The following AUTS2 variants were observed in gnomAD, a reference collection of about 807,000 sequenced individuals.
The protein encoded by AUTS2 is activator of transcription and developmental regulator AUTS2.
A neutral mutation model predicts 112.4 loss-of-function variants in AUTS2; 17 were observed. The ratio of observed to expected loss-of-function variants is 0.15; its 90% CI spans 0.10 to 0.23. AUTS2 has a LOEUF of 0.23. Among genes scored for constraint, AUTS2 ranks in the 10% least tolerant of loss-of-function variants. The pLI, the probability that AUTS2 is intolerant of heterozygous loss-of-function variation, is 1.00. For missense variants in AUTS2, 1,510 were observed against 1,701.6 expected (o/e 0.89, Z 1.98); for synonymous variants, 751 against 702.7 (o/e 1.07, Z -1.09).
At chr7:69,873,713 C>T (rs1472117017) in intron 1 of AUTS2, among the ~76,000 whole-genome samples, 4 of 152,122 alleles carry the variant, frequency 2.6e-5, no homozygotes, top group Non-Finnish European at 5.9e-5. Context: ...ATTATCTATC[C>T]TAAGGGAATG....
intron 2 of AUTS2, among the ~76,000 whole-genome samples, chr7:69,938,278 G>T (rs962215519): frequency 1.3e-5 from 2 of 152,022 alleles, no homozygotes; most frequent in Admixed American, 6.5e-5. Context: ...GCAGCTTCCC[G>T]TAGGCCTCTT....
intron 5 of AUTS2, among the ~76,000 whole-genome samples, chr7:70,564,170 A>G (rs1439661288): frequency 6.6e-6 from 1 of 152,208 alleles, no homozygotes; most frequent in Non-Finnish European, 1.5e-5. Context: ...CAGTTCTATT[A>G]CAATCATGTA....
intron 4 of AUTS2, among the ~76,000 whole-genome samples, chr7:70,261,042 C>T (rs905781839): frequency 5.9e-5 from 9 of 151,808 alleles, no homozygotes; most frequent in African/African-American, 1.7e-4. Flanking sequence ...CCACCGCGCC[C>T]GGCCAACCTG....
intron 4 of AUTS2, among the ~76,000 whole-genome samples, chr7:70,321,033 A>G (rs1790229873): frequency 6.6e-6 from 1 of 152,216 alleles, no homozygotes; most frequent in Non-Finnish European, 1.5e-5. Flanking sequence ...TCTTAACAAC[A>G]TGACGACATT....
At chr7:69,864,145 T>C (rs1453487583) in intron 1 of AUTS2, among the ~76,000 whole-genome samples, 1 of 152,222 alleles carries the variant, frequency 6.6e-6, no homozygotes, top group Non-Finnish European at 1.5e-5. Flanking sequence ...GCAGGTGCCA[T>C]GCCTCCAATA....
At chr7:70,454,716 C>T (rs2131111504) in intron 5 of AUTS2, among the ~76,000 whole-genome samples, 1 of 152,294 alleles carries the variant, frequency 6.6e-6, no homozygotes, top group South Asian at 2.1e-4. Context: ...GTTTCTAACT[C>T]TGCCTATCTC....
intron 5 of AUTS2, among the ~76,000 whole-genome samples, chr7:70,650,188 G>A (rs1405945752): frequency 1.3e-5 from 2 of 152,174 alleles, no homozygotes; most frequent in East Asian, 3.8e-4. Flanking sequence ...TTATCAGGAG[G>A]AAATTCTTTT....
intron 2 of AUTS2, among the ~76,000 whole-genome samples, chr7:69,957,648 A>G (rs182253361): frequency 2.0e-5 from 3 of 152,236 alleles, no homozygotes; most frequent in East Asian, 1.9e-4. Context: ...GACCATTTCT[A>G]TTCTGGAGGA....
intron 2 of AUTS2, among the ~76,000 whole-genome samples, chr7:70,049,688 T>C (rs1428910710): frequency 6.6e-6 from 1 of 152,118 alleles, no homozygotes; most frequent in Non-Finnish European, 1.5e-5. Flanking sequence ...TTTTAGGTTT[T>C]AAATTGTCTG....
intron 1 of AUTS2, among the ~76,000 whole-genome samples, chr7:69,666,348 G>A (rs116725064): frequency 3.2e-4 from 48 of 152,222 alleles, no homozygotes; most frequent in African/African-American, 1.0e-3. Context: ...CTGGAAATTC[G>A]AATCGTAATT....
At chr7:70,158,292 C>T (rs1807890512) in intron 4 of AUTS2, among the ~76,000 whole-genome samples, 1 of 152,144 alleles carries the variant, frequency 6.6e-6, no homozygotes, top group Admixed American at 6.5e-5. Context: ...AGAGATAGCT[C>T]ACTCAGTTAG....
intron 6 of AUTS2, among the ~76,000 whole-genome samples, chr7:70,741,895 C>T (rs1021641308): frequency 6.6e-6 from 1 of 152,146 alleles, no homozygotes; most frequent in Non-Finnish European, 1.5e-5. Context: ...GTAGCACACA[C>T]AGTCAGCTGA....
chr7:70,547,690 G>A (rs1043076301), intron 5 of AUTS2, among the ~76,000 whole-genome samples: 2 of 152,030 alleles, frequency 1.3e-5, no homozygotes, highest in African/African-American at 4.8e-5. Flanking sequence ...ACCACGTTTT[G>A]TTTATCTGTT....
intron 1 of AUTS2, among the ~76,000 whole-genome samples, chr7:69,708,017 C>G (rs1352398074): frequency 6.6e-6 from 1 of 152,126 alleles, no homozygotes; most frequent in Non-Finnish European, 1.5e-5. Flanking sequence ...GCCTCTTCCT[C>G]TCGGTCGTTG....
intron 4 of AUTS2, among the ~76,000 whole-genome samples, chr7:70,284,515 G>T (rs956226206): frequency 2.0e-5 from 3 of 151,822 alleles, no homozygotes; most frequent in African/African-American, 7.3e-5. Context: ...TTACCTACTT[G>T]ATTGGTTAAA....
At chr7:70,748,181 C>T (rs1328049289) in intron 6 of AUTS2, among the ~76,000 whole-genome samples, 1 of 152,036 alleles carries the variant, frequency 6.6e-6, no homozygotes, top group Admixed American at 6.6e-5. Context: ...CTTTCTAAAC[C>T]TTATAGGTAT....
chr7:70,710,965 T>C lies in AUTS2; in HGVS notation c.742+12345T>C, dbSNP rs185823921. On this transcript the variant is annotated intron_variant, in intron 6 of 18. Coordinates refer to ENST00000342771, the MANE Select transcript of AUTS2 (RefSeq NM_015570.4). ...TTAGACATCAAATCAGTTTGATTTC[T>C]ACCCCCATGGGAAGAGGAACTCCGG... Among the ~76,000 whole-genome samples, 52 of 152,374 alleles carry C rather than the reference T, an allele frequency of 3.4e-4. 1 individual carries two copies. Among genetic ancestry groups the C allele is most frequent in the African/African-American group, 1.2e-3 (49 of 41,594 alleles).
chr7:69,926,445 GTCTATCTATCTATCTA>G (rs10677736), intron 2 of AUTS2, among the ~76,000 whole-genome samples: 137 of 123,198 alleles, frequency 1.1e-3, no homozygotes, highest in Middle Eastern at 4.1e-3. Flanking sequence ...CTGTCTGTCT[GTCTATCTATCTATCTA>G]TCTATCTATC....
intron 1 of AUTS2, among the ~76,000 whole-genome samples, chr7:69,856,807 A>G (rs186523627): frequency 1.3e-5 from 2 of 152,314 alleles, no homozygotes; most frequent in Admixed American, 1.3e-4. Context: ...CAGTTGGATC[A>G]GCGGATTCAG....
Sources: gnomAD v4.1 joint callset for allele counts (sites outside exome capture counted in the v4.1 genomes callset) on GRCh38, gnomAD v4.1.1 for gene constraint, MANE v1.5 for transcripts, NCBI Gene and HGNC (gene_info 2026-07-23, HGNC 2026-07-21) for gene names.